The following CDH24 variants were observed in gnomAD, a reference collection of about 807,000 sequenced individuals.
CDH24 encodes cadherin-24.
CDH24 carries 61 observed loss-of-function variants against 71.2 expected under a neutral mutation model. That is an observed-to-expected ratio of 0.86 (90% confidence interval 0.70 to 1.06). The LOEUF (loss-of-function observed/expected upper bound fraction) is 1.06, where lower values mean the gene tolerates loss of function less well. CDH24 is among the 50% of genes least tolerant of loss of function. The pLI, the probability that CDH24 is intolerant of heterozygous loss-of-function variation, is 0.00. For synonymous variants in CDH24, 440 were observed against 470.2 expected (o/e 0.94, Z 0.83); for missense variants, 961 against 1,083.7 (o/e 0.89, Z 1.59).
chr14:23,055,192 G>A lies in CDH24; in HGVS notation c.363C>T (p.Ala121=), dbSNP rs745344316. 5.6e-6 allele frequency: 9 copies of A among 1,614,036 alleles called. No individual in the cohort carries two copies. The highest frequency in any genetic ancestry group is 2.2e-5 in the East Asian group (1 of 44,896). The change falls in exon 3 of 13, where the codon GCC becomes GCT. Residue 121 remains alanine (A), a synonymous_variant. Coordinates refer to ENST00000487137, the MANE Select transcript of CDH24 (RefSeq NM_144985.4). The surrounding 1 kb of genome is among the most constrained non-coding windows in gnomAD (Gnocchi z 4.1). ...GGGGCCGGTTGGAGGCTCGGTCCACGGCTTGGGCCAGTAGCACATATTGCG... is the reference window on the plus strand; with the variant it reads ...GGGGCCGGTTGGAGGCTCGGTCCACAGCTTGGGCCAGTAGCACATATTGCG... ...EKAQYVLLAQ[A]VDRASNRPLE... is the part of the protein sequence containing the mutation.
Position 23,049,942 on chromosome 14 carries a change from G to C in CDH24, c.1365C>G (p.Asp455Glu), listed in dbSNP as rs1199070586. 14 of 1,611,956 alleles carry C rather than the reference G, an allele frequency of 8.7e-6. No individual in the cohort carries two copies. ...GCACGCGCGAGGCCTGTGCAGAACT[G>C]TCTGAAGGCAGAACACCAAAACATA... Reference protein sequence around the residue: ...HNLTVLATELDSSAQASRVQV... With the variant: ...HNLTVLATELESSAQASRVQV... Residue 455 changes from aspartate (D) to glutamate (E), a missense_variant and splice_region_variant, in exon 9 of 13, where the codon GAC (aspartate) becomes GAG (glutamate). By Grantham distance (45) the Asp-to-Glu change is conservative. Coordinates refer to ENST00000487137, the MANE Select transcript of CDH24 (RefSeq NM_144985.4).
intron 8 of CDH24, 107 bp from the exon 9 acceptor site, chr14:23,050,050 C>A: frequency 6.9e-7 from 1 of 1,442,574 alleles, no homozygotes; most frequent in East Asian, 2.3e-5. Flanking sequence ...ATAGCATGCA[C>A]AAGAAACACA....
chr14:23,048,172 G>C lies in CDH24; in HGVS notation c.2154C>G (p.Gly718=), dbSNP rs1236076562. ...CCTGCACCGAGTCGTACGGGGGTAC[G>C]CCGGGGTCCTCGTCCGCCTCGCGGA... is the stretch of plus-strand genomic sequence containing the variant. ...LRLREADEDP[G]VPPYDSVQVY... The change falls in exon 12 of 13, where the codon GGC becomes GGG. Residue 718 remains glycine, a synonymous_variant. Coordinates refer to ENST00000487137, the MANE Select transcript of CDH24 (RefSeq NM_144985.4). The C allele has an allele frequency of 2.2e-6, 3 of 1,351,914 alleles. No homozygotes were observed. The highest frequency in any genetic ancestry group is 2.9e-6 in the Non-Finnish European group (3 of 1,048,478). The allele number at this position is 1,351,914 out of a possible 1,614,324, so 83.7% of individuals were successfully genotyped here.
At position 23,052,179 on chromosome 14, in the gene CDH24, G is replaced by C. The variant is rs1045265219; in HGVS notation, c.1363+294C>G. The C allele has an allele frequency of 3.8e-6, 3 of 789,898 alleles. No individual in the cohort carries two copies. In the Admixed American group the frequency reaches 6.4e-5, roughly 17 times the overall value. The allele number at this position is 789,898 out of a possible 1,614,324, so 48.9% of individuals were successfully genotyped here. A position where few individuals can be genotyped will look rare whatever the true frequency, so the allele number is the denominator to read the frequency against. On this transcript the variant is annotated intron_variant, in intron 8 of 12. Coordinates refer to ENST00000487137, the MANE Select transcript of CDH24 (RefSeq NM_144985.4). ...TTCTGGGTTGGGGCAAGTCAGGTAAGGGAATGACTTGAGGGTCAGGAGAAT... is the reference window on the plus strand; with the variant it reads ...TTCTGGGTTGGGGCAAGTCAGGTAACGGAATGACTTGAGGGTCAGGAGAAT...
At chr14:23,050,238 C>A in intron 8 of CDH24, 1 of 292,836 alleles carries the variant, frequency 3.4e-6, no homozygotes, top group Non-Finnish European at 6.4e-6. Flanking sequence ...GCACATGCAG[C>A]ATAAATGAAA....
Position 23,049,807 on chromosome 14 carries a change from G to T in CDH24, c.1485+15C>A. On this transcript the variant is annotated intron_variant, in intron 9 of 12. Coordinates refer to ENST00000487137, the MANE Select transcript of CDH24 (RefSeq NM_144985.4). ...GAGGCCTGGACGTCCCAACCCCTCT[G>T]CCTCAGTTGCTCACCTGGCCAGGAG... 1 of 1,613,884 alleles carries T rather than the reference G, an allele frequency of 6.2e-7. No homozygotes were observed. Among genetic ancestry groups the T allele is most frequent in the South Asian group, 1.1e-5 (1 of 91,062 alleles).
In CDH24 at chr14:23,054,125, C is replaced by G. The variant is rs374891172; in HGVS notation, c.972+16G>C. On this transcript the variant is annotated intron_variant, in intron 6 of 12. Transcript: ENST00000487137. This position sits in a 1 kb window ranked among gnomAD's most constrained non-coding sequence, Gnocchi z 5.2. ...AGGCAGGTCTAAGAGAAAGCATTAACAGGCAGGAGGCTAACCTTGCGGACA... is the reference window on the plus strand; with the variant it reads ...AGGCAGGTCTAAGAGAAAGCATTAAGAGGCAGGAGGCTAACCTTGCGGACA... 3.1e-5 allele frequency: 49 copies of G among 1,571,500 alleles called. No homozygotes were observed. In the East Asian group the frequency reaches 4.1e-4, roughly 13 times the overall value.
Position 23,051,613 on chromosome 14 carries a change from T to A in CDH24, c.1363+860A>T, listed in dbSNP as rs1594724697. Among the ~76,000 whole-genome samples the A allele has an allele frequency of 1.3e-5, 2 of 152,236 alleles. No homozygotes were observed. The highest frequency in any genetic ancestry group is 1.9e-4 in the East Asian group (1 of 5,202). Reference sequence around the variant, plus strand: ...CACATATATATCCATTACAGATATATACCCACAAATATATATTTGTGTATA... The same window carrying A: ...CACATATATATCCATTACAGATATAAACCCACAAATATATATTTGTGTATA... On this transcript the variant is annotated intron_variant, in intron 8 of 12. Transcript: ENST00000487137. This position sits in a 1 kb window ranked among gnomAD's most constrained non-coding sequence, Gnocchi z 4.4.
chr14:23,049,495 G>A, intron 10 of CDH24, 132 bp downstream of exon 10: 1 of 694,456 alleles, frequency 1.4e-6, no homozygotes, highest in East Asian at 2.6e-5. Flanking sequence ...ATGAGTACAA[G>A]TCCACACCCA....
Position 23,048,384 on chromosome 14 carries a change from C to T in CDH24, c.1942G>A (p.Asp648Asn), listed in dbSNP as rs150085154. 3.1e-6 allele frequency: 5 copies of T among 1,612,396 alleles called. No homozygotes were observed. The African/African-American group carries it at 6.7e-5, about 22-fold the overall frequency. ...TCCTCCTCGCCGCCGCCCTCGTCGT[C>T]GTAGGTGATGATGTTCTCTCGGACG... ...EDVRENIITY[D>N]DEGGGEEDTE... is the part of the protein sequence containing the mutation. The change falls in exon 12 of 13, where the codon GAC (aspartate) becomes AAC (asparagine). Residue 648 changes from aspartate (D) to asparagine (N), a missense_variant. Physicochemically the swap from Asp to Asn is conservative, Grantham distance 23. Transcript: ENST00000487137.
chr14:23,056,375 A>G (rs1330752863), intron 1 of CDH24, among the ~76,000 whole-genome samples: 1 of 152,232 alleles, frequency 6.6e-6, no homozygotes, highest in African/African-American at 2.4e-5. Flanking sequence ...CTGCCAGTGC[A>G]GTCCTTGAAG....
Position 23,051,494 on chromosome 14 carries a change from CACAT to C in CDH24, c.1363+975_1363+978del, listed in dbSNP as rs924884715. 3.3e-4 allele frequency among the ~76,000 whole-genome samples: 51 copies of C among 152,286 alleles called. No homozygotes were observed. The highest frequency in any genetic ancestry group is 1.2e-3 in the African/African-American group (50 of 41,548). The stretch of plus-strand genomic sequence containing the variant: ...TCCACAAATACCCACATACACAAAA[CACAT>C]ACAAACAGCTACATGTGCATACCAC... On this transcript the variant is annotated intron_variant, in intron 8 of 12. Coordinates refer to ENST00000487137, the MANE Select transcript of CDH24 (RefSeq NM_144985.4). This position sits in a 1 kb window ranked among gnomAD's most constrained non-coding sequence, Gnocchi z 4.4.
At chr14:23,050,072 TGTAATGTACAG>T in intron 8 of CDH24, 129 bp from the exon 9 acceptor site, 1 of 1,294,718 alleles carries the variant, frequency 7.7e-7, no homozygotes, top group Non-Finnish European at 1.1e-6. Flanking sequence ...GAAATATGCA[TGTAATGTACAG>T]GTAGAAAACA....
At position 23,054,348 on chromosome 14, in the gene CDH24, G is replaced by A. The variant is rs889877766; in HGVS notation, c.785-20C>T. 1.9e-6 allele frequency: 3 copies of A among 1,561,430 alleles called. No homozygotes were observed. Among genetic ancestry groups the A allele is most frequent in the Non-Finnish European group, 2.6e-6 (3 of 1,150,674 alleles). ...ATAGGCCTTGGGATGACAGAGGGGA[G>A]ACACCTTCTCAGAGAGGTCCCCAGC... On this transcript the variant is annotated intron_variant, in intron 5 of 12. Coordinates refer to ENST00000487137, the MANE Select transcript of CDH24 (RefSeq NM_144985.4). The surrounding 1 kb of genome is among the most constrained non-coding windows in gnomAD (Gnocchi z 5.2).
chr14:23,055,518 A>AG lies in CDH24; in HGVS notation c.201+14dup. On this transcript the variant is annotated intron_variant, in intron 2 of 12. Coordinates refer to ENST00000487137, the MANE Select transcript of CDH24 (RefSeq NM_144985.4). This position sits in a 1 kb window ranked among gnomAD's most constrained non-coding sequence, Gnocchi z 4.1. ...GGCTTGGTGTCAGAGTAGACATGGG[A>AG]GGGGTCATCCTTACCTTGCCAATGA... The AG allele has an allele frequency of 6.2e-7, 1 of 1,612,506 alleles. No homozygotes were observed. The highest frequency in any genetic ancestry group is 1.1e-5 in the South Asian group (1 of 90,968).
rs2047083656 is a variant in CDH24 at position 23,051,279 on chromosome 14, G to C, written c.1363+1194C>G. 6.6e-6 allele frequency among the ~76,000 whole-genome samples: 1 copy of C among 152,136 alleles called. No individual in the cohort carries two copies. Among genetic ancestry groups the C allele is most frequent in the Non-Finnish European group, 1.5e-5 (1 of 68,034 alleles). On this transcript the variant is annotated intron_variant, in intron 8 of 12. Coordinates refer to ENST00000487137, the MANE Select transcript of CDH24 (RefSeq NM_144985.4). This position sits in a 1 kb window ranked among gnomAD's most constrained non-coding sequence, Gnocchi z 4.4. Reference sequence around the variant, plus strand: ...CAGCTCAGACTCTGCACACTGACTGGATCTCACAGCTCCACCACTTAATCT... The same window carrying C: ...CAGCTCAGACTCTGCACACTGACTGCATCTCACAGCTCCACCACTTAATCT...
chr14:23,048,789 T>C (rs1312910420), intron 11 of CDH24, among the ~76,000 whole-genome samples: 1 of 152,224 alleles, frequency 6.6e-6, no homozygotes, highest in Non-Finnish European at 1.5e-5. Flanking sequence ...AGCACTATAC[T>C]TGGCACAGAG....
Position 23,049,852 on chromosome 14 carries a change from A to T in CDH24, c.1455T>A (p.Thr485=). Reference sequence around the variant, plus strand: ...CAGGAGCTGCAGAGTCACACACAAAAGTATCGTAGGGCTCAGCCAGCTGGG... The same window carrying T: ...CAGGAGCTGCAGAGTCACACACAAATGTATCGTAGGGCTCAGCCAGCTGGG... The part of the protein sequence containing the change: ...NAPQLAEPYD[T]FVCDSAAPGQ... The change falls in exon 9 of 13, where the codon ACT becomes ACA. Residue 485 remains threonine, a synonymous_variant. Coordinates refer to ENST00000487137, the MANE Select transcript of CDH24 (RefSeq NM_144985.4). 6.2e-7 allele frequency: 1 copy of T among 1,614,034 alleles called. No homozygotes were observed. The highest frequency in any genetic ancestry group is 8.5e-7 in the Non-Finnish European group (1 of 1,179,994).
chr14:23,050,169 T>G (rs1252298076), intron 8 of CDH24: 1 of 519,756 alleles, frequency 1.9e-6, no homozygotes, highest in African/African-American at 1.9e-5. Flanking sequence ...CGATACACAA[T>G]AGACATTCAA....
Sources: gnomAD v4.1 joint callset for allele counts (sites outside exome capture counted in the v4.1 genomes callset) on GRCh38, gnomAD v4.1.1 for gene constraint, Gnocchi (gnomAD v3.1) non-coding constraint, MANE v1.5 for transcripts, NCBI Gene and HGNC (gene_info 2026-07-23, HGNC 2026-07-21) for gene names.